Variants in CLUL1 observed in about 807,000 individuals in gnomAD.
CLUL1 encodes clusterin like 1.
A neutral mutation model predicts 49.4 loss-of-function variants in CLUL1; 43 were observed. The ratio of observed to expected loss-of-function variants is 0.87; its 90% CI spans 0.68 to 1.12. The LOEUF is 1.12. Among genes scored for constraint, CLUL1 ranks in the 50% most tolerant of loss-of-function variants. The pLI is 0.00. For synonymous variants in CLUL1, 192 were observed against 184.9 expected (o/e 1.04, Z -0.31); for missense variants, 486 against 544.4 (o/e 0.89, Z 1.07).
intron 2 of CLUL1, chr18:613,009 A>G (rs370874288): frequency 6.8e-6 from 2 of 292,628 alleles, no homozygotes; most frequent in Admixed American, 5.1e-5. Context: ...TTCTGGCTTC[A>G]TGATGATGGT....
intron 1 of CLUL1, among the ~76,000 whole-genome samples, chr18:599,947 C>CAA (rs369269965): frequency 0.23 from 30,113 of 132,366 alleles, 3,325 homozygotes; most frequent in Middle Eastern, 0.37. Context: ...GACTTCATCT[C>CAA]AAAAAAAAAA....
At chr18:604,851 A>T (rs1311764743) in intron 1 of CLUL1, among the ~76,000 whole-genome samples, 1 of 152,200 alleles carries the variant, frequency 6.6e-6, no homozygotes, top group Non-Finnish European at 1.5e-5. Flanking sequence ...AAGGGCTTCT[A>T]TATAAAACCT....
rs36222515 is a variant in CLUL1, at chr18:630,672, C to CTTTTTTTTTTTTT, written c.857-2605_857-2593dup. 2.4e-4 allele frequency among the ~76,000 whole-genome samples: 15 copies of CTTTTTTTTTTTTT among 62,044 alleles called. 1 individual carries two copies. The highest frequency in any genetic ancestry group is 1.1e-3 in the African/African-American group (15 of 13,908). 40.7% of individuals were successfully genotyped at this position (62,044 alleles called of 152,430 possible). On this transcript the variant is annotated intron_variant, in intron 6 of 9. Coordinates refer to ENST00000692774, the MANE Select transcript of CLUL1 (RefSeq NM_001393344.1). Reference sequence around the variant, plus strand: ...CGCAAAAAACTAGCCCTACTGACATCTTTTTTTTTTTTTTTTTTTTTTTTT... The same window carrying CTTTTTTTTTTTTT: ...CGCAAAAAACTAGCCCTACTGACATCTTTTTTTTTTTTTTTTTTTTTTTTTTTTTTTTTTTTTT...
chr18:630,672 CTTTTTTTTTTTTTTTTTT>C (rs36222515), intron 6 of CLUL1, among the ~76,000 whole-genome samples: 7 of 61,998 alleles, frequency 1.1e-4, no homozygotes, highest in African/African-American at 4.3e-4. Flanking sequence ...CTACTGACAT[CTTTTTTTTTTTTTTTTTT>C]TTTTTTTTTT....
rs62090069 is a variant in CLUL1, at chr18:606,993, G to T, written c.-120G>T. 97,779 of 647,982 alleles carry T rather than the reference G, an allele frequency of 0.15. 9,939 individuals carry two copies. Among genetic ancestry groups the T allele is most frequent in the African/African-American group, 0.39 (21,395 of 54,338 alleles). 40.1% of individuals were successfully genotyped at this position (647,982 alleles called of 1,614,324 possible). A position where few individuals can be genotyped will look rare whatever the true frequency, so the allele number is the denominator to read the frequency against. On this transcript the variant is annotated 5_prime_UTR_variant, in exon 2 of 10. Coordinates refer to ENST00000692774, the MANE Select transcript of CLUL1 (RefSeq NM_001393344.1). This position sits in a 1 kb window ranked among gnomAD's most constrained non-coding sequence, Gnocchi z 4.1. ...TTTTCTTTAGAGTTGCGTCCCTCTC[G>T]GTTGCCAGGCTGGAGTTCAGTGGCA...
At chr18:602,823 G>A (rs1481058690) in intron 1 of CLUL1, among the ~76,000 whole-genome samples, 1 of 152,138 alleles carries the variant, frequency 6.6e-6, no homozygotes, top group Admixed American at 6.5e-5. Context: ...TATACAGCAA[G>A]GAGGGAAAAT....
rs184229744 is a variant in CLUL1 at position 644,072 on chromosome 18, T to C, written c.1210-838T>C. On this transcript the variant is annotated intron_variant, in intron 8 of 9. Coordinates refer to ENST00000692774, the MANE Select transcript of CLUL1 (RefSeq NM_001393344.1). Reference sequence around the variant, plus strand: ...GAAGAGAAGCCTTATGAAAGAAATATACAAATTCCAGCAAGTGAAAACGGT... The same window carrying C: ...GAAGAGAAGCCTTATGAAAGAAATACACAAATTCCAGCAAGTGAAAACGGT... Among the ~76,000 whole-genome samples, 232 of 152,320 alleles carry C rather than the reference T, an allele frequency of 1.5e-3. 2 individuals carry two copies. The Middle Eastern group carries it at 0.027, about 18-fold the overall frequency.
In CLUL1 at chr18:645,749, G is replaced by A. The variant is rs1327216123; in HGVS notation, c.1397+652G>A. ...GCAGAGCTTGCAGTGAGCAGAGATC[G>A]CGCCACTGCACTCCAGCCTGGGCGA... On this transcript the variant is annotated intron_variant, in intron 9 of 9. Transcript: ENST00000692774. Among the ~76,000 whole-genome samples, 13 of 126,608 alleles carry A rather than the reference G, an allele frequency of 1.0e-4. No homozygotes were observed. In the South Asian group the frequency reaches 1.3e-3, roughly 13 times the overall value. 83.1% of individuals were successfully genotyped at this position (126,608 alleles called of 152,430 possible).
chr18:619,837 G>A (rs1474365561), intron 4 of CLUL1, among the ~76,000 whole-genome samples: 2 of 151,998 alleles, frequency 1.3e-5, no homozygotes, highest in Non-Finnish European at 2.9e-5. Flanking sequence ...AGCCTCCCTA[G>A]TAGCTGGGAT....
rs1015935552 is a variant in CLUL1 at position 618,069 on chromosome 18, T to C, written c.69T>C (p.Thr23=). ...TGAAAGACAGTCACTGCGCACCCAC[T>C]TGGAAGGACAAAACTGCTATCAGTG... ...LWLKDSHCAP[T]WKDKTAISEN... Residue 23 remains threonine, a synonymous_variant, in exon 3 of 10, where the codon ACT becomes ACC. Coordinates refer to ENST00000692774, the MANE Select transcript of CLUL1 (RefSeq NM_001393344.1). This position sits in a 1 kb window ranked among gnomAD's most constrained non-coding sequence, Gnocchi z 4.2. The C allele has an allele frequency of 6.2e-7, 1 of 1,614,018 alleles. No individual in the cohort carries two copies. Among genetic ancestry groups the C allele is most frequent in the Non-Finnish European group, 8.5e-7 (1 of 1,180,004 alleles).
intron 4 of CLUL1, among the ~76,000 whole-genome samples, chr18:621,282 C>T (rs2073481451): frequency 6.6e-6 from 1 of 152,078 alleles, no homozygotes; most frequent in African/African-American, 2.4e-5. Flanking sequence ...TTGCTGCTTA[C>T]ATCTTTTTAC....
chr18:617,595 CAAAAAAAAAA>C (rs11422881), intron 2 of CLUL1, among the ~76,000 whole-genome samples: 3 of 82,052 alleles, frequency 3.7e-5, no homozygotes, highest in African/African-American at 1.0e-4. Context: ...AACTCCGTCT[CAAAAAAAAAA>C]AAAAAAAAAA....
intron 9 of CLUL1, among the ~76,000 whole-genome samples, chr18:645,813 AT>A (rs56805967): frequency 1.6e-3 from 94 of 57,030 alleles, no homozygotes; most frequent in East Asian, 3.3e-3. Context: ...AAAAAAAAAT[AT>A]ATATATATAT....
At chr18:637,076 T>C (rs935486102) in intron 7 of CLUL1, among the ~76,000 whole-genome samples, 1 of 151,752 alleles carries the variant, frequency 6.6e-6, no homozygotes, top group Non-Finnish European at 1.5e-5. Flanking sequence ...AACCTCCGCC[T>C]TCTGGGTTCA....
At chr18:598,623 C>T (rs1284524746) in intron 1 of CLUL1, 4 of 398,448 alleles carry the variant, frequency 1.0e-5, no homozygotes, top group African/African-American at 8.2e-5. Context: ...TGTGTCACAA[C>T]CAAAAAAGTG....
intron 2 of CLUL1, among the ~76,000 whole-genome samples, chr18:617,402 C>T (rs1051579667): frequency 6.6e-6 from 1 of 152,070 alleles, no homozygotes; most frequent in Non-Finnish European, 1.5e-5. Context: ...CGAGACCAGC[C>T]TGACCCACAT....
At position 627,628 on chromosome 18, in the gene CLUL1, C is replaced by T. The variant is rs185939340; in HGVS notation, c.856+99C>T. 919 of 858,970 alleles carry T rather than the reference C, an allele frequency of 1.1e-3. 2 individuals are homozygous for T. The highest frequency in any genetic ancestry group is 1.7e-3 in the Admixed American group (60 of 35,114). 53.2% of individuals were successfully genotyped at this position (858,970 alleles called of 1,614,324 possible). On this transcript the variant is annotated intron_variant, in intron 6 of 9. Transcript: ENST00000692774. ...GACATTTCTGAGTCACATTGTATAG[C>T]ATTTCTTGAAGAGACAATTTATGGA...
chr18:641,514 A>G lies in CLUL1; in HGVS notation c.1182A>G (p.Glu394=). 6.2e-7 allele frequency: 1 copy of G among 1,614,200 alleles called. No homozygotes were observed. Among genetic ancestry groups the G allele is most frequent in the South Asian group, 1.1e-5 (1 of 91,084 alleles). ...WVSELANQAP[E]TEIIFNSIQV... Reference sequence around the variant, plus strand: ...CTGAACTGGCAAACCAGGCCCCAGAAACAGAGATCATCTTTAATTCAATAC... The same window carrying G: ...CTGAACTGGCAAACCAGGCCCCAGAGACAGAGATCATCTTTAATTCAATAC... Residue 394 remains glutamate, a synonymous_variant, in exon 8 of 10, where the codon GAA becomes GAG. Coordinates refer to ENST00000692774, the MANE Select transcript of CLUL1 (RefSeq NM_001393344.1).
At chr18:598,085 G>C (rs566874178) in intron 1 of CLUL1, 1 of 152,822 alleles carries the variant, frequency 6.5e-6, no homozygotes, top group South Asian at 2.1e-4. Context: ...CCTGATGCAA[G>C]AACAGAATTT....
Sources: allele counts gnomAD v4.1 joint callset (sites outside exome capture counted in the v4.1 genomes callset), GRCh38; gene constraint gnomAD v4.1.1; non-coding constraint Gnocchi (gnomAD v3.1); transcripts MANE v1.5; gene names NCBI Gene and HGNC (gene_info 2026-07-23, HGNC 2026-07-21).